Variants in LETM1 observed in about 807,000 individuals in gnomAD.
LETM1 encodes the protein mitochondrial proton/calcium exchanger protein.
A neutral mutation model predicts 74.5 loss-of-function variants in LETM1; 50 were observed. That is an observed-to-expected ratio of 0.67 (90% CI 0.53 to 0.85). The LOEUF is 0.85. Ranked by LOEUF, LETM1 falls within the 40% of genes least tolerant of loss-of-function variation. LETM1 has a pLI of 0.00. For missense variants in LETM1, 824 were observed against 967.8 expected, an observed-to-expected ratio of 0.85 and a Z score of 1.97; for synonymous variants, 446 against 407.1, an observed-to-expected ratio of 1.10 and a Z score of -1.15.
Position 1,822,313 on chromosome 4 carries a change from C to T in LETM1, c.1477-1G>A. Reference sequence around the variant, plus strand: ...CCACACGTTCGGGCTCAAAATCCTTCTGAAAGGCAAGGCGACACCAGCCCA... The same window carrying T: ...CCACACGTTCGGGCTCAAAATCCTTTTGAAAGGCAAGGCGACACCAGCCCA... On this transcript the variant is annotated splice_acceptor_variant, in intron 9 of 13. Coordinates refer to ENST00000302787, the MANE Select transcript of LETM1 (RefSeq NM_012318.3). LOFTEE classifies it high-confidence loss of function. The T allele has an allele frequency of 6.7e-7, 1 of 1,493,240 alleles. No homozygotes were observed. The highest frequency in any genetic ancestry group is 9.0e-7 in the Non-Finnish European group (1 of 1,113,198). 92.5% of individuals were successfully genotyped at this position (1,493,240 alleles called of 1,614,324 possible). A position where few individuals can be genotyped will look rare whatever the true frequency, so the allele number is the denominator to read the frequency against.
intron 13 of LETM1, among the ~76,000 whole-genome samples, 187 bp from the exon 14 acceptor site, chr4:1,814,760 G>T (rs1313651896): frequency 6.6e-6 from 1 of 152,240 alleles, no homozygotes; most frequent in Admixed American, 6.5e-5. Context: ...CTGGGGAAGG[G>T]GCTCAGAGTG....
At chr4:1,843,592 G>A (rs574706153) in intron 2 of LETM1, among the ~76,000 whole-genome samples, 20 of 152,352 alleles carry the variant, frequency 1.3e-4, no homozygotes, top group African/African-American at 3.4e-4. Context: ...CTAACCTCAC[G>A]GAGAGGTTCT....
Position 1,841,354 on chromosome 4 carries a change from C to G in LETM1, c.587G>C (p.Arg196Pro). 1 of 1,612,080 alleles carries G rather than the reference C, an allele frequency of 6.2e-7. No homozygotes were observed. Among genetic ancestry groups the G allele is most frequent in the Non-Finnish European group, 8.5e-7 (1 of 1,178,394 alleles). Residue 196 changes from arginine (R) to proline (P), a missense_variant, in exon 3 of 14, where the codon CGC becomes CCC. Around this residue, in one of 4 missense-constraint regions of LETM1, gnomAD observed 269 missense variants for 348.8 expected, o/e 0.77. Transcript: ENST00000302787. The stretch of plus-strand genomic sequence containing the variant: ...TAGACATGTCCCCATTACCTGCCTG[C>G]GCTCCCGGCGGGTCAGGCTGTGGCC... ...LNGHSLTRRE[R>P]RQFLRICADL...
intron 10 of LETM1, among the ~76,000 whole-genome samples, chr4:1,820,912 T>C (rs1711752130): frequency 6.6e-6 from 1 of 151,932 alleles, no homozygotes; most frequent in Non-Finnish European, 1.5e-5. Flanking sequence ...TAATCCCAGC[T>C]ACTCGGGAGG....
chr4:1,852,128 C>T (rs868757224), intron 1 of LETM1, among the ~76,000 whole-genome samples: 1 of 152,182 alleles, frequency 6.6e-6, no homozygotes, highest in African/African-American at 2.4e-5. Flanking sequence ...TTAGTGCAGA[C>T]CTCACAGGGT....
At chr4:1,816,269 C>G (rs1460619809) in intron 12 of LETM1, among the ~76,000 whole-genome samples, 1 of 152,242 alleles carries the variant, frequency 6.6e-6, no homozygotes, top group African/African-American at 2.4e-5. Flanking sequence ...CCAGCAGTCA[C>G]CCAACAGCTG....
In LETM1 at chr4:1,855,986, CT is replaced by C. The variant is rs1451445797; in HGVS notation, c.-37del. 2.6e-6 allele frequency: 3 copies of C among 1,164,630 alleles called. No homozygotes were observed. In the African/African-American group the frequency reaches 4.8e-5, roughly 19 times the overall value. 72.1% of individuals were successfully genotyped at this position (1,164,630 alleles called of 1,614,324 possible). A position where few individuals can be genotyped will look rare whatever the true frequency, so the allele number is the denominator to read the frequency against. On this transcript the variant is annotated 5_prime_UTR_variant, in exon 1 of 14. Transcript: ENST00000302787. ...GCGGCGGCCGCTCCGGCCTCCTGCG[CT>C]GCCTCCTTCTCCGCGGCGGCCGCGG...
In LETM1 at chr4:1,816,898, T is replaced by A. The variant is rs115233072; in HGVS notation, c.1760A>T (p.Lys587Met). Residue 587 changes from lysine to methionine, a missense_variant, in exon 12 of 14, where the codon AAG (lysine) becomes ATG (methionine). By Grantham distance (95) the Lys-to-Met change is moderately conservative (BLOSUM62 -1). This residue lies in a region of LETM1 where 161 missense variants were observed against 252.7 expected (regional missense o/e 0.64). Transcript: ENST00000302787. ...TTCACCAGTCTTTGAAAGTTCCTTC[T>A]TGATCTCCTGCAAGTCCTAATAAAA... ...QDYSEDLQEI[K>M]KELSKTGEEK... The A allele has an allele frequency of 2.5e-6, 4 of 1,613,194 alleles. No individual in the cohort carries two copies. The highest frequency in any genetic ancestry group is 3.4e-6 in the Non-Finnish European group (4 of 1,179,270).
intron 1 of LETM1, among the ~76,000 whole-genome samples, chr4:1,854,795 A>AAAACAAACAAAC (rs1024518975): frequency 6.6e-6 from 1 of 152,098 alleles, no homozygotes; most frequent in Admixed American, 6.6e-5. Flanking sequence ...TCTGTCTTTA[A>AAAACAAACAAAC]AAACAAACAA....
At chr4:1,828,901 G>A (rs1288552528) in intron 6 of LETM1, among the ~76,000 whole-genome samples, 15 of 108,810 alleles carry the variant, frequency 1.4e-4, no homozygotes, top group East Asian at 3.2e-4. Flanking sequence ...GCGGCTGGCC[G>A]GGCAGAGGGG....
chr4:1,836,663 GC>G lies in LETM1; in HGVS notation c.595-92del. 3 of 1,425,246 alleles carry G rather than the reference GC, an allele frequency of 2.1e-6. No homozygotes were observed. Among genetic ancestry groups the G allele is most frequent in the Non-Finnish European group, 2.9e-6 (3 of 1,027,660 alleles). The allele number at this position is 1,425,246 out of a possible 1,614,324, so 88.3% of individuals were successfully genotyped here. A position where few individuals can be genotyped will look rare whatever the true frequency, so the allele number is the denominator to read the frequency against. On this transcript the variant is annotated intron_variant, in intron 3 of 13. Coordinates refer to ENST00000302787, the MANE Select transcript of LETM1 (RefSeq NM_012318.3). This position sits in a 1 kb window ranked among gnomAD's most constrained non-coding sequence, Gnocchi z 5.8. ...GCATTTCTCCTATAATGGTTTATAG[GC>G]ACAACCTCAGGCAGCGACTCACAGG...
rs1355202106 is a variant in LETM1, at chr4:1,855,927, G to C, written c.24C>G (p.Ser8Arg). 4 of 1,236,468 alleles carry C rather than the reference G, an allele frequency of 3.2e-6. No individual in the cohort carries two copies. Among genetic ancestry groups the C allele is most frequent in the Non-Finnish European group, 4.0e-6 (4 of 992,694 alleles). The allele number at this position is 1,236,468 out of a possible 1,614,324, so 76.6% of individuals were successfully genotyped here. MASILLRSCRGRAPARLP... is the reference protein window; with the variant it reads MASILLRRCRGRAPARLP... ...GGCGGGCGGGCGCCCGGCCGCGGCA[G>C]CTCCTCAGTAAGATGGACGCCATGT... The change falls in exon 1 of 14, where the codon AGC becomes AGG. Residue 8 changes from serine (S) to arginine (R), a missense_variant. By Grantham distance (110) the Ser-to-Arg change is moderately radical. Coordinates refer to ENST00000302787, the MANE Select transcript of LETM1 (RefSeq NM_012318.3).
intron 13 of LETM1, 140 bp downstream of exon 13, chr4:1,815,524 G>A: frequency 1.3e-6 from 1 of 765,956 alleles, no homozygotes. Context: ...TAAAGGAGCA[G>A]TCGCAGTGAC....
intron 11 of LETM1, 76 bp from the exon 12 acceptor site, chr4:1,816,990 A>G (rs957677812): frequency 7.9e-7 from 1 of 1,264,136 alleles, no homozygotes; most frequent in African/African-American, 1.5e-5. Context: ...TCACGCCTGT[A>G]ATCCCAGTAC....
At chr4:1,843,145 C>A in intron 2 of LETM1, 1 of 213,366 alleles carries the variant, frequency 4.7e-6, no homozygotes, top group East Asian at 1.5e-4. Context: ...CCATTACTTA[C>A]TGCTGCGTGA....
chr4:1,852,839 C>T (rs1181380232), intron 1 of LETM1, among the ~76,000 whole-genome samples: 1 of 152,100 alleles, frequency 6.6e-6, no homozygotes, highest in Non-Finnish European at 1.5e-5. Context: ...AGAGCAAGAC[C>T]CTGTCTCAAA....
At position 1,838,249 on chromosome 4, in the gene LETM1, G is replaced by A. The variant is rs925123013; in HGVS notation, c.595-1677C>T. On this transcript the variant is annotated intron_variant, in intron 3 of 13. Transcript: ENST00000302787. ...TGAGTAGTTGGGATTACACGCGCCC[G>A]CCACCACGACCGGCTAATTTTTGTA... 8.6e-5 allele frequency among the ~76,000 whole-genome samples: 13 copies of A among 151,796 alleles called. No individual in the cohort carries two copies. The East Asian group carries it at 2.5e-3, about 30-fold the overall frequency.
chr4:1,834,739 G>T lies in LETM1; in HGVS notation c.876+106C>A. The T allele has an allele frequency of 6.5e-7, 1 of 1,536,248 alleles. No individual in the cohort carries two copies. The highest frequency in any genetic ancestry group is 8.8e-7 in the Non-Finnish European group (1 of 1,141,204). ...CTCCTGGGTAAACTTTCAAGCGCCA[G>T]CCAGCACCTGGGGGAGCTCCACTCT... On this transcript the variant is annotated intron_variant, in intron 5 of 13. Coordinates refer to ENST00000302787, the MANE Select transcript of LETM1 (RefSeq NM_012318.3). The surrounding 1 kb of genome is among the most constrained non-coding windows in gnomAD (Gnocchi z 5.0).
intron 2 of LETM1, among the ~76,000 whole-genome samples, chr4:1,847,690 T>G (rs1712929846): frequency 6.6e-6 from 1 of 151,944 alleles, no homozygotes; most frequent in Non-Finnish European, 1.5e-5. Flanking sequence ...CTGGGTGTGG[T>G]GGCGGCGTCT....
Sources: allele counts gnomAD v4.1 joint callset (sites outside exome capture counted in the v4.1 genomes callset), GRCh38; gene constraint gnomAD v4.1.1; regional missense constraint gnomAD v4.1.1; non-coding constraint Gnocchi (gnomAD v3.1); transcripts MANE v1.5; gene names NCBI Gene and HGNC (gene_info 2026-07-23, HGNC 2026-07-21).